The following LRPPRC variants were observed in gnomAD, a reference collection of about 807,000 sequenced individuals.
The protein encoded by LRPPRC is leucine-rich PPR motif-containing protein, mitochondrial.
In LRPPRC, 120 loss-of-function variants were observed where a neutral mutation model predicts 180.3. The observed-to-expected ratio is 0.67, with a 90% confidence interval of 0.57 to 0.77. The LOEUF (loss-of-function observed/expected upper bound fraction) is 0.77. LRPPRC is among the 30% of genes least tolerant of loss of function. The probability of loss-of-function intolerance (pLI) is 0.00; values close to 1 mark genes in which losing one functional copy is unlikely to be tolerated. For missense variants in LRPPRC, 2,012 were observed against 1,657.2 expected (o/e 1.21, Z -3.72); for synonymous variants, 723 against 600.0 (o/e 1.21, Z -3.00).
intron 32 of LRPPRC, among the ~76,000 whole-genome samples, chr2:43,900,217 G>GA (rs1003353164): frequency 1.3e-5 from 2 of 151,694 alleles, no homozygotes; most frequent in East Asian, 3.9e-4. Context: ...ACTTTACATT[G>GA]AAAAAAATCA....
At chr2:43,920,000 T>C (rs1234855882) in intron 27 of LRPPRC, among the ~76,000 whole-genome samples, 3 of 139,440 alleles carry the variant, frequency 2.2e-5, no homozygotes, top group Non-Finnish European at 4.6e-5. Context: ...AGTTTTTTGA[T>C]AACTAATGAC....
At chr2:43,899,670 C>A in intron 32 of LRPPRC, 65 bp from the exon 33 acceptor site, 1 of 1,065,392 alleles carries the variant, frequency 9.4e-7, no homozygotes, top group South Asian at 1.3e-5. Flanking sequence ...GCAGTTTAGT[C>A]TAAGAACTTA....
chr2:43,903,037 C>T (rs892420162), intron 31 of LRPPRC: 1 of 152,114 alleles, frequency 6.6e-6, no homozygotes, highest in African/African-American at 2.4e-5. Flanking sequence ...AGACAAGACT[C>T]GAAGATTCCA....
intron 1 of LRPPRC, among the ~76,000 whole-genome samples, chr2:43,983,785 T>A (rs7608521): frequency 0.59 from 90,400 of 152,028 alleles, 28,056 homozygotes; most frequent in Middle Eastern, 0.67. Flanking sequence ...CAAGTATGTG[T>A]TGTTTTACTA....
chr2:43,980,734 A>T (rs1479433293), intron 2 of LRPPRC, among the ~76,000 whole-genome samples: 3 of 152,204 alleles, frequency 2.0e-5, no homozygotes, highest in African/African-American at 7.2e-5. Flanking sequence ...AGCTGACTTT[A>T]AAACAAAGCA....
chr2:43,957,602 G>C (rs984567280), intron 13 of LRPPRC, 151 bp from the exon 14 acceptor site: 2 of 677,358 alleles, frequency 3.0e-6, no homozygotes, highest in African/African-American at 1.8e-5. Context: ...TACAAAATTA[G>C]ACAATGCAGT....
chr2:43,930,706 T>C (rs1337057431), intron 25 of LRPPRC, among the ~76,000 whole-genome samples: 2 of 152,200 alleles, frequency 1.3e-5, no homozygotes, highest in East Asian at 3.8e-4. Flanking sequence ...CAAATGTCAT[T>C]ACCATTTTGA....
At chr2:43,996,038 A>G, upstream of LRPPRC, 1 of 1,348,244 alleles carries the variant, frequency 7.4e-7, no homozygotes, top group African/African-American at 1.5e-5. Flanking sequence ...GCAGAGACCA[A>G]CTGCCGGGCG....
chr2:43,921,385 C>A (rs1374206523), intron 27 of LRPPRC, among the ~76,000 whole-genome samples: 1 of 152,032 alleles, frequency 6.6e-6, no homozygotes, highest in Non-Finnish European at 1.5e-5. Context: ...TTTAAGGATA[C>A]CAGCAGTTAA....
intron 23 of LRPPRC, among the ~76,000 whole-genome samples, chr2:43,939,116 CAAA>C (rs34124728): frequency 8.6e-4 from 110 of 128,206 alleles, no homozygotes; most frequent in East Asian, 2.1e-3. Context: ...ACTAAAAATA[CAAA>C]AAAAAAAAAA....
chr2:43,975,604 A>T (rs1319753360), intron 6 of LRPPRC, among the ~76,000 whole-genome samples: 1 of 150,250 alleles, frequency 6.7e-6, no homozygotes, highest in Non-Finnish European at 1.5e-5. Context: ...TTTTTTTGAG[A>T]TGGAGTCTTG....
intron 31 of LRPPRC, chr2:43,903,709 C>T (rs1274967755): frequency 6.6e-6 from 1 of 151,048 alleles, no homozygotes; most frequent in African/African-American, 2.4e-5. Flanking sequence ...CTGTAGCTTA[C>T]ACAGGGCACC....
intron 25 of LRPPRC, among the ~76,000 whole-genome samples, chr2:43,929,982 A>C (rs189911516): frequency 3.8e-4 from 52 of 137,486 alleles, no homozygotes; most frequent in Non-Finnish European, 7.0e-4. Flanking sequence ...ACAAACAAAC[A>C]AACCCTAGCT....
intron 23 of LRPPRC, among the ~76,000 whole-genome samples, chr2:43,943,333 T>C (rs1179674114): frequency 2.0e-5 from 3 of 152,060 alleles, no homozygotes; most frequent in South Asian, 2.1e-4. Context: ...TCAACACTTA[T>C]TACCTGAATA....
intron 12 of LRPPRC, among the ~76,000 whole-genome samples, chr2:43,962,664 C>T (rs1217898869): frequency 1.3e-5 from 2 of 152,070 alleles, no homozygotes; most frequent in Non-Finnish European, 2.9e-5. Flanking sequence ...CAACAGCTTG[C>T]CTACTCTGCT....
chr2:43,940,490 T>C (rs374940829), intron 23 of LRPPRC, among the ~76,000 whole-genome samples: 1 of 152,192 alleles, frequency 6.6e-6, no homozygotes, highest in African/African-American at 2.4e-5. Flanking sequence ...TCTGGGAGGA[T>C]AGTATATATG....
chr2:43,953,417 G>C (rs1055926953), intron 14 of LRPPRC, among the ~76,000 whole-genome samples: 1 of 152,154 alleles, frequency 6.6e-6, no homozygotes, highest in Non-Finnish European at 1.5e-5. Flanking sequence ...GAAGGAATCC[G>C]CTTAAACTTA....
At chr2:43,949,036 G>A (rs1672800540) in intron 16 of LRPPRC, among the ~76,000 whole-genome samples, 1 of 152,090 alleles carries the variant, frequency 6.6e-6, no homozygotes, top group African/African-American at 2.4e-5. Context: ...TAACAAAGAT[G>A]TTTTGTAACA....
At chr2:43,990,828 G>A (rs1674741851) in intron 1 of LRPPRC, among the ~76,000 whole-genome samples, 1 of 144,448 alleles carries the variant, frequency 6.9e-6, no homozygotes, top group African/African-American at 2.6e-5. Context: ...GAACCCCAAA[G>A]GACCCATCAG....
Sources: allele counts gnomAD v4.1 joint callset (sites outside exome capture counted in the v4.1 genomes callset), GRCh38; gene constraint gnomAD v4.1.1; transcripts MANE v1.5; gene names NCBI Gene and HGNC (gene_info 2026-07-23, HGNC 2026-07-21).